Variants in CAPS2 observed in about 807,000 individuals in gnomAD.
CAPS2 encodes the protein calcyphosine 2.
A neutral mutation model predicts 86.5 loss-of-function variants in CAPS2; 98 were observed. The ratio of observed to expected loss-of-function variants is 1.13; its 90% confidence interval spans 0.96 to 1.34. The LOEUF is 1.34. CAPS2 is among the 40% of genes most tolerant of loss of function. The pLI is 0.00. For missense variants in CAPS2, 729 were observed against 686.8 expected, an observed-to-expected ratio of 1.06 and a Z score of -0.69; for synonymous variants, 210 against 225.1, an observed-to-expected ratio of 0.93 and a Z score of 0.60.
chr12:75,276,238 G>A, downstream of CAPS2: 20 of 1,542,250 alleles, frequency 1.3e-5, no homozygotes, highest in Non-Finnish European at 1.8e-5. Flanking sequence ...GTTTGTCCTT[G>A]CTGGTCAACC....
intron 15 of CAPS2, 115 bp from the exon 16 acceptor site, chr12:75,282,462 C>T: frequency 1.5e-6 from 1 of 684,530 alleles, no homozygotes. Context: ...TCTCAGCTCA[C>T]TGCAATCTCC....
chr12:75,279,688 C>T (rs2033554897), intron 16 of CAPS2, among the ~76,000 whole-genome samples: 1 of 151,774 alleles, frequency 6.6e-6, no homozygotes, highest in Non-Finnish European at 1.5e-5. Context: ...TAAAAACATA[C>T]ACAAGAAATA....
intron 1 of CAPS2, among the ~76,000 whole-genome samples, chr12:75,372,472 C>T (rs886097391): frequency 6.6e-6 from 1 of 152,102 alleles, no homozygotes; most frequent in Non-Finnish European, 1.5e-5. Flanking sequence ...CAGCATTTCT[C>T]CCTCTGGAAC....
chr12:75,353,587 T>G (rs1010902720), intron 1 of CAPS2, among the ~76,000 whole-genome samples: 1 of 152,154 alleles, frequency 6.6e-6, no homozygotes, highest in Admixed American at 6.5e-5. Flanking sequence ...CTGATACCCT[T>G]TCTTCTGAAA....
chr12:75,328,908 G>C (rs986129233), upstream of CAPS2, among the ~76,000 whole-genome samples: 2 of 152,204 alleles, frequency 1.3e-5, no homozygotes, highest in South Asian at 4.1e-4. Context: ...GGGCAATGCC[G>C]TCATACATGG....
intron 1 of CAPS2, among the ~76,000 whole-genome samples, chr12:75,349,530 A>G (rs2042667968): frequency 6.6e-6 from 1 of 152,232 alleles, no homozygotes; most frequent in Non-Finnish European, 1.5e-5. Flanking sequence ...AAATGAATGC[A>G]GAACTTACAC....
chr12:75,311,712 C>G (rs56051625), intron 7 of CAPS2, among the ~76,000 whole-genome samples: 4 of 9,970 alleles, frequency 4.0e-4, no homozygotes, highest in Admixed American at 1.2e-3. Context: ...AAAAAAAAAA[C>G]AAAAAAAAAA....
chr12:75,302,037 G>T (rs1164744487), intron 8 of CAPS2, among the ~76,000 whole-genome samples: 1 of 152,122 alleles, frequency 6.6e-6, no homozygotes, highest in Non-Finnish European at 1.5e-5. Flanking sequence ...ATTTCCACTG[G>T]GGAGGGACCC....
At chr12:75,278,159 G>C in exon 17 of CAPS2, 1 of 956,286 alleles carries the variant, frequency 1.0e-6, no homozygotes, top group South Asian at 4.8e-5. Flanking sequence ...TGGTAAAAAG[G>C]ATTACAGTTA....
intron 9 of CAPS2, among the ~76,000 whole-genome samples, chr12:75,299,530 A>G (rs1179918613): frequency 6.6e-6 from 1 of 152,144 alleles, no homozygotes; most frequent in Admixed American, 6.5e-5. Flanking sequence ...CTTATAAAAC[A>G]TTAGTTTTCA....
intron 7 of CAPS2, among the ~76,000 whole-genome samples, chr12:75,307,794 C>T (rs535879995): frequency 3.9e-5 from 6 of 152,154 alleles, no homozygotes; most frequent in African/African-American, 1.2e-4. Flanking sequence ...TTTGAGGTCA[C>T]CAAGTAGAAA....
intron 4 of CAPS2, chr12:75,322,811 A>G (rs2040424625): frequency 3.6e-6 from 2 of 551,616 alleles, no homozygotes; most frequent in Admixed American, 3.1e-5. Flanking sequence ...TAAAATACCA[A>G]TTTCCATGTG....
At chr12:75,337,983 T>C (rs1297971564) in intron 1 of CAPS2, among the ~76,000 whole-genome samples, 1 of 152,112 alleles carries the variant, frequency 6.6e-6, no homozygotes, top group Non-Finnish European at 1.5e-5. Flanking sequence ...CTTATGCCAT[T>C]ACATAAATTA....
At chr12:75,312,848 C>A in exon 7 of CAPS2, 1 of 1,552,694 alleles carries the variant, frequency 6.4e-7, no homozygotes, top group Non-Finnish European at 8.9e-7. Context: ...TAATTCTCAC[C>A]TAGATAAGTG....
At chr12:75,336,759 T>G (rs964851252) in intron 1 of CAPS2, among the ~76,000 whole-genome samples, 3 of 151,746 alleles carry the variant, frequency 2.0e-5, no homozygotes, top group Non-Finnish European at 4.4e-5. Flanking sequence ...TAAAAAAGAT[T>G]TGAACATCAA....
At chr12:75,338,637 C>T (rs953698418) in intron 1 of CAPS2, among the ~76,000 whole-genome samples, 1 of 151,326 alleles carries the variant, frequency 6.6e-6, no homozygotes, top group African/African-American at 2.4e-5. Flanking sequence ...GCAGGATGTG[C>T]AGGTTTGTTA....
At chr12:75,304,621 C>T (rs1464921450) in intron 8 of CAPS2, 136 bp downstream of exon 8, 1 of 582,532 alleles carries the variant, frequency 1.7e-6, no homozygotes, top group Non-Finnish European at 2.7e-6. Context: ...GGGAGCTGAA[C>T]TCAAAAAATT....
downstream of CAPS2, chr12:75,276,922 T>C (rs1366628646): frequency 2.0e-6 from 2 of 984,546 alleles, no homozygotes; most frequent in African/African-American, 1.7e-5. Flanking sequence ...GTCAGTTGTG[T>C]TGTGGATGTT....
At chr12:75,345,253 T>C (rs576699186) in intron 1 of CAPS2, among the ~76,000 whole-genome samples, 1 of 152,246 alleles carries the variant, frequency 6.6e-6, no homozygotes, top group Admixed American at 6.5e-5. Flanking sequence ...AGGACAATTA[T>C]ACAGTTTCTA....
Sources: allele counts gnomAD v4.1 joint callset (sites outside exome capture counted in the v4.1 genomes callset), GRCh38; gene constraint gnomAD v4.1.1; transcripts MANE v1.5; gene names NCBI Gene and HGNC (gene_info 2026-07-23, HGNC 2026-07-21).